SORT1: variants seen among roughly 807,000 people sequenced by gnomAD.
SORT1 encodes the protein sortilin 1.
SORT1 carries 39 observed loss-of-function variants against 101.7 expected under a neutral mutation model. The ratio of observed to expected loss-of-function variants is 0.38; its 90% confidence interval spans 0.30 to 0.50. The LOEUF is 0.50. SORT1 is among the 20% of genes least tolerant of loss of function. SORT1 has a pLI of 0.90. For synonymous variants in SORT1, 396 were observed against 393.7 expected, an observed-to-expected ratio of 1.01 and a Z score of -0.07; for missense variants, 878 against 1,040.4, an observed-to-expected ratio of 0.84 and a Z score of 2.15.
intron 3 of SORT1, among the ~76,000 whole-genome samples, chr1:109,364,284 T>A (rs767184822): frequency 6.6e-6 from 1 of 152,190 alleles, no homozygotes; most frequent in Non-Finnish European, 1.5e-5. Context: ...GTATTGGTTC[T>A]TGTTTTGGTT....
rs776969382 is a variant in SORT1 at position 109,314,070 on chromosome 1, T to C, written c.2482-13A>G. On this transcript the variant is annotated splice_polypyrimidine_tract_variant and intron_variant, in intron 19 of 19. Coordinates refer to ENST00000256637, the MANE Select transcript of SORT1 (RefSeq NM_002959.7). ...ATTCCAAGAGGTCCTGAAAAAGACA[T>C]GCACCATATTACCGACAGACCACAA... is the stretch of plus-strand genomic sequence containing the variant. The C allele has an allele frequency of 6.2e-7, 1 of 1,614,026 alleles. No homozygotes were observed. Among genetic ancestry groups the C allele is most frequent in the Non-Finnish European group, 8.5e-7 (1 of 1,179,884 alleles).
rs1283088544 is a variant in SORT1 at position 109,323,012 on chromosome 1, T to C, written c.1944A>G (p.Ser648=). 6.2e-7 allele frequency: 1 copy of C among 1,614,080 alleles called. No individual in the cohort carries two copies. Among genetic ancestry groups the C allele is most frequent in the African/African-American group, 1.3e-5 (1 of 74,938 alleles). The change falls in exon 15 of 20, where the codon TCA becomes TCG. Residue 648 remains serine (S), a synonymous_variant. Coordinates refer to ENST00000256637, the MANE Select transcript of SORT1 (RefSeq NM_002959.7). The part of the protein sequence containing the change: ...YKEQFLRLRK[S]SVCQNGRDYV... The stretch of plus-strand genomic sequence containing the variant: ...AGTCTCGACCATTCTGACACACGGA[T>C]GACTTGCGTAGCCGCAGAAACTGTT...
At chr1:109,394,874 T>G (rs1370176856) in intron 1 of SORT1, among the ~76,000 whole-genome samples, 1 of 152,218 alleles carries the variant, frequency 6.6e-6, no homozygotes, top group Admixed American at 6.5e-5. Flanking sequence ...AAAATGATTC[T>G]ACATGTACCT....
intron 1 of SORT1, among the ~76,000 whole-genome samples, chr1:109,384,955 G>C (rs1283352704): frequency 6.6e-6 from 1 of 152,104 alleles, no homozygotes; most frequent in Non-Finnish European, 1.5e-5. Context: ...GCGTACACCT[G>C]TAATCCCAGC....
At chr1:109,355,982 C>T (rs1650292348) in intron 3 of SORT1, among the ~76,000 whole-genome samples, 2 of 152,232 alleles carry the variant, frequency 1.3e-5, no homozygotes, top group South Asian at 4.2e-4. Flanking sequence ...AGTGATTCTC[C>T]AGCCTCAGCC....
chr1:109,375,541 C>CAAGAAAAAAAA (rs1651775581), intron 1 of SORT1, among the ~76,000 whole-genome samples: 1 of 71,082 alleles, frequency 1.4e-5, no homozygotes, highest in African/African-American at 6.0e-5. Context: ...GACTCCGTTT[C>CAAGAAAAAAAA]AAAAAAAAAA....
At chr1:109,378,438 G>A (rs534859133) in intron 1 of SORT1, among the ~76,000 whole-genome samples, 1 of 151,722 alleles carries the variant, frequency 6.6e-6, no homozygotes, top group East Asian at 1.9e-4. Flanking sequence ...ATGATACATA[G>A]GCCTGAAAAT....
At chr1:109,343,129 G>C (rs1044349230) in intron 8 of SORT1, among the ~76,000 whole-genome samples, 5 of 152,070 alleles carry the variant, frequency 3.3e-5, no homozygotes, top group African/African-American at 1.2e-4. Flanking sequence ...TCCACTACTG[G>C]TTGACCCTAG....
At chr1:109,382,905 G>C (rs72981197) in intron 1 of SORT1, among the ~76,000 whole-genome samples, 2,456 of 152,220 alleles carry the variant, frequency 0.016, 70 homozygotes, top group African/African-American at 0.056. Context: ...CCATACTTTA[G>C]AGTTCATGAA....
intron 1 of SORT1, among the ~76,000 whole-genome samples, chr1:109,392,003 TTTG>T (rs986358643): frequency 4.6e-5 from 7 of 152,190 alleles, no homozygotes; most frequent in Admixed American, 2.0e-4. Context: ...TTGCCACAGT[TTTG>T]TTGTTTCTAG....
Position 109,397,673 on chromosome 1 carries a change from G to T in SORT1, c.220C>A (p.Arg74Ser). 8.3e-7 allele frequency: 1 copy of T among 1,204,964 alleles called. No homozygotes were observed. Among genetic ancestry groups the T allele is most frequent in the South Asian group, 2.3e-5 (1 of 42,758 alleles). 74.6% of individuals were successfully genotyped at this position (1,204,964 alleles called of 1,614,324 possible). Residue 74 changes from arginine (R) to serine (S), a missense_variant, in exon 1 of 20, where the codon CGT becomes AGT. By Grantham distance (110) the Arg-to-Ser change is moderately radical (BLOSUM62 -1). Around this residue, in one of 2 missense-constraint regions of SORT1, gnomAD observed 194 missense variants for 145.9 expected, o/e 1.33. Coordinates refer to ENST00000256637, the MANE Select transcript of SORT1 (RefSeq NM_002959.7). ...AAGGAFPRGGRWRRSAPGEDE... is the reference protein window; with the variant it reads ...AAGGAFPRGGSWRRSAPGEDE... ...TCGCCCGGCGCGCTGCGACGCCAAC[G>T]GCCGCCGCGGGGAAACGCGCCCCCG...
At chr1:109,360,210 C>A (rs1650628237) in intron 3 of SORT1, among the ~76,000 whole-genome samples, 1 of 152,308 alleles carries the variant, frequency 6.6e-6, no homozygotes, top group East Asian at 1.9e-4. Flanking sequence ...TGGTTTCCAG[C>A]CTGTAGTCCC....
intron 1 of SORT1, among the ~76,000 whole-genome samples, chr1:109,374,098 A>T (rs1180851604): frequency 6.6e-6 from 1 of 152,144 alleles, no homozygotes; most frequent in Admixed American, 6.5e-5. Context: ...CTTAAAATAA[A>T]TTTTTAAAAA....
At chr1:109,392,420 G>A (rs1254463515) in intron 1 of SORT1, among the ~76,000 whole-genome samples, 1 of 152,152 alleles carries the variant, frequency 6.6e-6, no homozygotes, top group Non-Finnish European at 1.5e-5. Flanking sequence ...AAAACAGCAG[G>A]ATAGAAAGCC....
intron 4 of SORT1, among the ~76,000 whole-genome samples, chr1:109,355,011 C>T (rs1405338822): frequency 6.6e-6 from 1 of 151,792 alleles, no homozygotes; most frequent in Non-Finnish European, 1.5e-5. Context: ...ATTGCTTGAG[C>T]CCAGGAGTTC....
intron 1 of SORT1, among the ~76,000 whole-genome samples, chr1:109,377,618 T>C (rs931983867): frequency 7.2e-5 from 11 of 152,192 alleles, no homozygotes; most frequent in Non-Finnish European, 1.5e-4. Context: ...TAGCTAAACA[T>C]TGGTAAAGAT....
intron 1 of SORT1, among the ~76,000 whole-genome samples, chr1:109,374,201 T>C (rs553894032): frequency 1.3e-5 from 2 of 152,280 alleles, no homozygotes; most frequent in African/African-American, 2.4e-5. Flanking sequence ...GATAAGGACA[T>C]TGCAACAGTT....
intron 8 of SORT1, 53 bp downstream of exon 8, chr1:109,345,698 C>T (rs1364305286): frequency 8.6e-6 from 13 of 1,513,488 alleles, no homozygotes; most frequent in Middle Eastern, 1.7e-4. Flanking sequence ...AGAATCTATA[C>T]GAGAGATATT....
At chr1:109,338,100 A>AGT (rs1224426848) in intron 10 of SORT1, among the ~76,000 whole-genome samples, 1 of 152,190 alleles carries the variant, frequency 6.6e-6, no homozygotes, top group Non-Finnish European at 1.5e-5. Flanking sequence ...GTGGATTGAT[A>AGT]GTGTGTGTGT....
Sources: allele counts gnomAD v4.1 joint callset (sites outside exome capture counted in the v4.1 genomes callset), GRCh38; gene constraint gnomAD v4.1.1; regional missense constraint gnomAD v4.1.1; transcripts MANE v1.5; gene names NCBI Gene and HGNC (gene_info 2026-07-23, HGNC 2026-07-21).